The following CPSF3 variants were observed in gnomAD, a reference collection of about 807,000 sequenced individuals.
The protein encoded by CPSF3 is cleavage and polyadenylation specific factor 3, also known as cleavage and polyadenylation specificity factor subunit 3.
In CPSF3, 57 loss-of-function variants were observed where a neutral mutation model predicts 84.1. The observed-to-expected ratio is 0.68, with a 90% CI of 0.55 to 0.85. The LOEUF (loss-of-function observed/expected upper bound fraction) is 0.85. Among genes scored for constraint, CPSF3 ranks in the 40% least tolerant of loss-of-function variants. CPSF3 has a pLI of 0.00. For synonymous variants in CPSF3, 275 were observed against 278.1 expected, an observed-to-expected ratio of 0.99 and a Z score of 0.11; for missense variants, 522 against 838.8, an observed-to-expected ratio of 0.62 and a Z score of 4.66.
At chr2:9,449,743 A>G (rs1360905324) in intron 11 of CPSF3, among the ~76,000 whole-genome samples, 3 of 152,264 alleles carry the variant, frequency 2.0e-5, no homozygotes, top group Admixed American at 6.5e-5. Context: ...CCTTGTCTCA[A>G]AAAAATAAAA....
chr2:9,457,145 ATATG>A (rs1394916330), intron 14 of CPSF3, 118 bp downstream of exon 14: 52 of 475,150 alleles, frequency 1.1e-4, no homozygotes, highest in South Asian at 3.5e-4. Context: ...GTTGGAAAGT[ATATG>A]TGTGTGTGTG....
At chr2:9,449,387 A>G (rs116097332) in intron 11 of CPSF3, among the ~76,000 whole-genome samples, 12,452 of 152,032 alleles carry the variant, frequency 0.082, 1,688 homozygotes, top group African/African-American at 0.28. Context: ...GATCGCGCCA[A>G]TGCACTCCAG....
chr2:9,447,200 A>C (rs1053692390), intron 10 of CPSF3, among the ~76,000 whole-genome samples: 2 of 152,232 alleles, frequency 1.3e-5, no homozygotes, highest in African/African-American at 4.8e-5. Flanking sequence ...TTTTATTAGG[A>C]TAGGTACAGT....
At chr2:9,444,158 A>ATATT (rs1216393477) in intron 10 of CPSF3, among the ~76,000 whole-genome samples, 34 of 123,160 alleles carry the variant, frequency 2.8e-4, no homozygotes, top group African/African-American at 1.2e-3. Context: ...ATATATATAT[A>ATATT]TTTTTTTTTT....
intron 4 of CPSF3, 111 bp downstream of exon 4, chr2:9,430,991 G>T: frequency 1.3e-6 from 1 of 749,708 alleles, no homozygotes; most frequent in Non-Finnish European, 2.2e-6. Flanking sequence ...CATGTATAAG[G>T]ATATCAGTAA....
At position 9,440,647 on chromosome 2, in the gene CPSF3, A is replaced by G. The variant is rs1680936305; in HGVS notation, c.917A>G (p.Lys306Arg). The G allele has an allele frequency of 1.9e-6, 3 of 1,614,058 alleles. No individual in the cohort carries two copies. The highest frequency in any genetic ancestry group is 2.5e-6 in the Non-Finnish European group (3 of 1,180,034). The change falls in exon 8 of 18, where the codon AAA becomes AGA. Residue 306 changes from lysine (K) to arginine (R), a missense_variant. Transcript: ENST00000238112. Reference sequence around the variant, plus strand: ...AACATCAATAATCCCTTTGTTTTCAAACACATTAGTAACCTCAAGGTGAGT... The same window carrying G: ...AACATCAATAATCCCTTTGTTTTCAGACACATTAGTAACCTCAAGGTGAGT... ...QININNPFVF[K>R]HISNLKSMDH...
In CPSF3 at chr2:9,455,205, C is replaced by T. The variant is rs371609175; in HGVS notation, c.1505-454C>T. Reference sequence around the variant, plus strand: ...AGGCTAGAGTGCAGTGGCACGATCTCGGCTCACTTCTGCCTCTGCCTCCTG... The same window carrying T: ...AGGCTAGAGTGCAGTGGCACGATCTTGGCTCACTTCTGCCTCTGCCTCCTG... On this transcript the variant is annotated intron_variant, in intron 12 of 17. Transcript: ENST00000238112. 4.6e-3 allele frequency among the ~76,000 whole-genome samples: 688 copies of T among 151,120 alleles called. 4 individuals are homozygous for T. The highest frequency in any genetic ancestry group is 0.016 in the African/African-American group (657 of 41,104).
intron 15 of CPSF3, among the ~76,000 whole-genome samples, chr2:9,466,264 A>ACAC (rs1681927522): frequency 1.4e-4 from 6 of 43,756 alleles, no homozygotes; most frequent in African/African-American, 3.2e-4. Flanking sequence ...ACACGCACAC[A>ACAC]AAGACGCACG....
chr2:9,428,684 A>G (rs1392034667), intron 1 of CPSF3, 81 bp from the exon 2 acceptor site: 16 of 895,256 alleles, frequency 1.8e-5, no homozygotes, highest in Non-Finnish European at 2.7e-5. Flanking sequence ...CATGTAGTGT[A>G]CATTGTAAAA....
At chr2:9,430,952 T>C in intron 4 of CPSF3, 72 bp downstream of exon 4, 7 of 1,207,696 alleles carry the variant, frequency 5.8e-6, no homozygotes, top group African/African-American at 1.5e-5. Flanking sequence ...ATGGACCATT[T>C]TGTGTTTTAA....
intron 15 of CPSF3, among the ~76,000 whole-genome samples, chr2:9,465,634 C>G (rs1681879005): frequency 6.6e-6 from 1 of 151,996 alleles, no homozygotes; most frequent in African/African-American, 2.4e-5. Flanking sequence ...ATTTATCAAA[C>G]TGACTTCTTC....
At position 9,436,245 on chromosome 2, in the gene CPSF3, G is replaced by A. The variant is rs755875258; in HGVS notation, c.644G>A (p.Arg215His). 5 of 1,611,588 alleles carry A rather than the reference G, an allele frequency of 3.1e-6. No homozygotes were observed. Among genetic ancestry groups the A allele is most frequent in the Non-Finnish European group, 4.2e-6 (5 of 1,178,910 alleles). The change falls in exon 7 of 18, where the codon CGT (arginine) becomes CAT (histidine). Residue 215 changes from arginine to histidine, a missense_variant. By Grantham distance (29) the Arg-to-His change is conservative. Coordinates refer to ENST00000238112, the MANE Select transcript of CPSF3 (RefSeq NM_016207.4). The part of the protein sequence containing the change: ...STYGTHIHEK[R>H]EEREARFCNT... ...TATGGGACCCATATCCATGAGAAAC[G>A]TGAAGAGCGAGAAGCAAGATTCTGT...
intron 7 of CPSF3, among the ~76,000 whole-genome samples, chr2:9,439,427 C>T (rs968835723): frequency 1.3e-5 from 2 of 149,272 alleles, no homozygotes; most frequent in South Asian, 4.2e-4. Flanking sequence ...GAGCGGAGAT[C>T]GCGCCACTGC....
At chr2:9,437,444 C>T (rs749510179) in intron 7 of CPSF3, among the ~76,000 whole-genome samples, 2 of 151,942 alleles carry the variant, frequency 1.3e-5, no homozygotes, top group East Asian at 3.9e-4. Context: ...ACTATATGTA[C>T]TCTGATCCTA....
chr2:9,457,627 G>A (rs540896099), intron 14 of CPSF3, among the ~76,000 whole-genome samples: 28 of 152,264 alleles, frequency 1.8e-4, no homozygotes, highest in Middle Eastern at 3.4e-3. Flanking sequence ...TTTAAAGAAG[G>A]ACTTTCAAAG....
intron 17 of CPSF3, among the ~76,000 whole-genome samples, chr2:9,472,007 A>G (rs1264489062): frequency 3.1e-4 from 10 of 32,244 alleles, no homozygotes; most frequent in Non-Finnish European, 6.3e-4. Context: ...CTCTGTCTCC[A>G]AAAAAAAAAA....
At position 9,466,390 on chromosome 2, in the gene CPSF3, G is replaced by GCACT. The variant is rs1558466718; in HGVS notation, c.1787-1316_1787-1315insACTC. Among the ~76,000 whole-genome samples the GCACT allele has an allele frequency of 3.9e-3, 294 of 75,746 alleles. 1 individual carries two copies. The highest frequency in any genetic ancestry group is 8.6e-3 in the Middle Eastern group (1 of 116). The allele number at this position is 75,746 out of a possible 152,430, so 49.7% of individuals were successfully genotyped here. On this transcript the variant is annotated intron_variant, in intron 15 of 17. Transcript: ENST00000238112. ...CACACACCCACGCACTCGCACACAC[G>GCACT]CGCACACACACGCACGCGCACACAC...
At position 9,429,974 on chromosome 2, in the gene CPSF3, A is replaced by G. The variant is rs1275553354; in HGVS notation, c.166A>G (p.Ile56Val). Reference sequence around the variant, plus strand: ...AGAAGGAATGGATGCTCTTCCTTATATTGATTTAATTGACCCAGCTGAGAT... The same window carrying G: ...AGAAGGAATGGATGCTCTTCCTTATGTTGATTTAATTGACCCAGCTGAGAT... ...GLEGMDALPY[I>V]DLIDPAEIDL... The change falls in exon 3 of 18, where the codon ATT (isoleucine) becomes GTT (valine). Residue 56 changes from isoleucine to valine, a missense_variant. Transcript: ENST00000238112. 1.3e-6 allele frequency: 2 copies of G among 1,590,926 alleles called. No individual in the cohort carries two copies. The highest frequency in any genetic ancestry group is 1.2e-5 in the South Asian group (1 of 86,176).
chr2:9,436,433 G>C, intron 7 of CPSF3, 72 bp downstream of exon 7: 9 of 1,466,126 alleles, frequency 6.1e-6, no homozygotes, highest in Non-Finnish European at 7.4e-6. Context: ...ATGTGGTCTT[G>C]GATGAGTCAT....
Sources: allele counts gnomAD v4.1 joint callset (sites outside exome capture counted in the v4.1 genomes callset), GRCh38; gene constraint gnomAD v4.1.1; transcripts MANE v1.5; gene names NCBI Gene and HGNC (gene_info 2026-07-23, HGNC 2026-07-21).